CTTN: variants seen among roughly 807,000 people sequenced by gnomAD.
The protein encoded by CTTN is cortactin.
A neutral mutation model predicts 84.0 loss-of-function variants in CTTN; 28 were observed. That is an observed-to-expected ratio of 0.33 (90% CI 0.25 to 0.46). The LOEUF (loss-of-function observed/expected upper bound fraction) is 0.46. Ranked by LOEUF, CTTN falls within the 20% of genes least tolerant of loss-of-function variation. CTTN has a pLI of 1.00. For synonymous variants in CTTN, 301 were observed against 288.8 expected, an observed-to-expected ratio of 1.04 and a Z score of -0.43; for missense variants, 641 against 723.8, an observed-to-expected ratio of 0.89 and a Z score of 1.31.
At chr11:70,405,986 T>A (rs2058037492) in intron 2 of CTTN, among the ~76,000 whole-genome samples, 1 of 152,250 alleles carries the variant, frequency 6.6e-6, no homozygotes, top group Admixed American at 6.5e-5. Context: ...CTGCAGCCGT[T>A]GCTTCATTTA....
chr11:70,415,829 A>G, intron 7 of CTTN, 112 bp downstream of exon 7: 2 of 957,966 alleles, frequency 2.1e-6, no homozygotes, highest in Non-Finnish European at 3.4e-6. Flanking sequence ...GGAGAGTCAC[A>G]GCCACCTGAA....
At chr11:70,420,709 G>C (rs2058224360) in intron 10 of CTTN, among the ~76,000 whole-genome samples, 199 bp downstream of exon 10, 1 of 152,246 alleles carries the variant, frequency 6.6e-6, no homozygotes, top group Non-Finnish European at 1.5e-5. Context: ...GCTGACACGG[G>C]GTGGTACCCC....
chr11:70,404,234 C>T (rs183731560), intron 1 of CTTN, among the ~76,000 whole-genome samples: 65 of 152,266 alleles, frequency 4.3e-4, no homozygotes, highest in Middle Eastern at 3.4e-3. Context: ...AGGCACCATC[C>T]CCTAGTTCCT....
intron 9 of CTTN, 108 bp downstream of exon 9, chr11:70,419,964 T>C: frequency 1.3e-6 from 1 of 795,744 alleles, no homozygotes; most frequent in Non-Finnish European, 2.0e-6. Context: ...TTAACGTAGA[T>C]GTCTCTTTTT....
At chr11:70,419,127 T>G (rs2058199290) in intron 8 of CTTN, among the ~76,000 whole-genome samples, 1 of 137,670 alleles carries the variant, frequency 7.3e-6, no homozygotes, top group Non-Finnish European at 1.6e-5. Context: ...TTTTTTTTTT[T>G]GAGATGGAGT....
At chr11:70,404,719 T>G (rs975233771) in intron 1 of CTTN, among the ~76,000 whole-genome samples, 4 of 152,360 alleles carry the variant, frequency 2.6e-5, no homozygotes, top group African/African-American at 9.6e-5. Context: ...AAACATCATG[T>G]AGGCCGGGCG....
chr11:70,432,365 C>T (rs1280432535), intron 15 of CTTN, among the ~76,000 whole-genome samples: 1 of 152,204 alleles, frequency 6.6e-6, no homozygotes, highest in Non-Finnish European at 1.5e-5. Flanking sequence ...TGCCCGATTA[C>T]TCTCCCTGGC....
At chr11:70,434,973 C>A in intron 17 of CTTN, 53 bp from the exon 18 acceptor site, 1 of 1,595,494 alleles carries the variant, frequency 6.3e-7, no homozygotes, top group Non-Finnish European at 8.6e-7. Flanking sequence ...TTTTTTCTGG[C>A]AGACCAGGAA....
Position 70,436,100 on chromosome 11 carries a change from A to G in CTTN, c.*938A>G. ...AGTGCCTGCTCTGCTGTGAGCCGCCAGGAACCCTCCTCCTGTCAATGGGGG... is the reference window on the plus strand; with the variant it reads ...AGTGCCTGCTCTGCTGTGAGCCGCCGGGAACCCTCCTCCTGTCAATGGGGG... On this transcript the variant is annotated 3_prime_UTR_variant, in exon 18 of 18. Coordinates refer to ENST00000301843, the MANE Select transcript of CTTN (RefSeq NM_005231.4). 4.2e-6 allele frequency: 6 copies of G among 1,427,694 alleles called. No individual in the cohort carries two copies. Among genetic ancestry groups the G allele is most frequent in the Non-Finnish European group, 5.5e-6 (6 of 1,096,570 alleles). 88.4% of individuals were successfully genotyped at this position (1,427,694 alleles called of 1,614,324 possible). A position where few individuals can be genotyped will look rare whatever the true frequency, so the allele number is the denominator to read the frequency against.
intron 1 of CTTN, among the ~76,000 whole-genome samples, chr11:70,404,037 T>A (rs1243974606): frequency 6.6e-6 from 1 of 152,132 alleles, no homozygotes; most frequent in African/African-American, 2.4e-5. Context: ...TACACGACCA[T>A]GCCTGGCTAA....
intron 5 of CTTN, among the ~76,000 whole-genome samples, chr11:70,414,046 G>A (rs1000366715): frequency 4.6e-5 from 7 of 152,174 alleles, no homozygotes; most frequent in Non-Finnish European, 7.3e-5. Context: ...GGGGTGGGCC[G>A]TGAAAGCCTG....
chr11:70,425,009 C>T (rs372155223), intron 12 of CTTN, among the ~76,000 whole-genome samples: 8 of 152,148 alleles, frequency 5.3e-5, no homozygotes, highest in African/African-American at 1.9e-4. Context: ...GTCTTCGCTT[C>T]CTGTAAATGC....
At position 70,435,834 on chromosome 11, in the gene CTTN, G is replaced by A; in HGVS notation, c.*672G>A. ...CATCCCCTGATGCCCAGGTCACCGG[G>A]AGGGCTGCTGGGAGCCTCTCCTGTC... On this transcript the variant is annotated 3_prime_UTR_variant, in exon 18 of 18. Transcript: ENST00000301843. 1 of 1,535,062 alleles carries A rather than the reference G, an allele frequency of 6.5e-7. No individual in the cohort carries two copies. Among genetic ancestry groups the A allele is most frequent in the Admixed American group, 2.0e-5 (1 of 49,054 alleles).
At chr11:70,409,804 G>C (rs982741867) in intron 4 of CTTN, 27 bp from the exon 5 acceptor site, 13 of 1,612,642 alleles carry the variant, frequency 8.1e-6, no homozygotes, top group Non-Finnish European at 1.1e-5. Flanking sequence ...TTATTGATCT[G>C]TTCCTATTTT....
intron 12 of CTTN, among the ~76,000 whole-genome samples, chr11:70,424,826 G>A (rs1429230088): frequency 6.6e-6 from 1 of 152,136 alleles, no homozygotes; most frequent in Non-Finnish European, 1.5e-5. Flanking sequence ...GTGAAACTGG[G>A]TACGGCCACT....
intron 1 of CTTN, among the ~76,000 whole-genome samples, chr11:70,401,045 A>C (rs2057972867): frequency 6.6e-6 from 1 of 152,110 alleles, no homozygotes; most frequent in South Asian, 2.1e-4. Context: ...CATTTAAAAC[A>C]TTCTTCTGCC....
In CTTN at chr11:70,435,652, A is replaced by C. The variant is rs1228516403; in HGVS notation, c.*490A>C. 6.3e-7 allele frequency: 1 copy of C among 1,596,422 alleles called. No homozygotes were observed. The highest frequency in any genetic ancestry group is 1.3e-5 in the African/African-American group (1 of 74,970). Reference sequence around the variant, plus strand: ...GGAGGAGAGGACTGGGCCTGATGGAAGTTAACCCGGAGCTAAGTCACCCAG... The same window carrying C: ...GGAGGAGAGGACTGGGCCTGATGGACGTTAACCCGGAGCTAAGTCACCCAG... On this transcript the variant is annotated 3_prime_UTR_variant, in exon 18 of 18. Transcript: ENST00000301843.
At chr11:70,412,965 C>T (rs990334803) in intron 5 of CTTN, among the ~76,000 whole-genome samples, 2 of 152,190 alleles carry the variant, frequency 1.3e-5, no homozygotes, top group African/African-American at 4.8e-5. Flanking sequence ...CCCTTTGGCA[C>T]GTCTGCCTCT....
Position 70,435,172 on chromosome 11 carries a change from C to T in CTTN, c.*10C>T, listed in dbSNP as rs769578467. On this transcript the variant is annotated 3_prime_UTR_variant, in exon 18 of 18. Transcript: ENST00000301843. ...GGAGCTGCGGCAGTAGGGCCCCCAG[C>T]CCCCCCCCGGAGCTGCGCCCTGGAT... 5.9e-6 allele frequency: 9 copies of T among 1,535,832 alleles called. No homozygotes were observed. Among genetic ancestry groups the T allele is most frequent in the Admixed American group, 3.7e-5 (2 of 54,728 alleles).
Sources: gnomAD v4.1 joint callset for allele counts (sites outside exome capture counted in the v4.1 genomes callset) on GRCh38, gnomAD v4.1.1 for gene constraint, MANE v1.5 for transcripts, NCBI Gene and HGNC (gene_info 2026-07-23, HGNC 2026-07-21) for gene names.